ANTXR1: variants seen among roughly 807,000 people sequenced by gnomAD.
ANTXR1 encodes ANTXR cell adhesion molecule 1.
ANTXR1 carries 19 observed loss-of-function variants against 78.1 expected under a neutral mutation model. The observed-to-expected ratio is 0.24, with a 90% confidence interval of 0.17 to 0.36. ANTXR1 has a LOEUF of 0.36. Ranked by LOEUF, ANTXR1 falls within the 10% of genes least tolerant of loss-of-function variation. ANTXR1 has a pLI of 1.00. For synonymous variants in ANTXR1, 273 were observed against 260.5 expected (o/e 1.05, Z -0.46); for missense variants, 518 against 718.6 (o/e 0.72, Z 3.19).
At chr2:69,043,705 A>C (rs1239084719) in intron 2 of ANTXR1, among the ~76,000 whole-genome samples, 4 of 152,178 alleles carry the variant, frequency 2.6e-5, no homozygotes, top group African/African-American at 7.2e-5. Flanking sequence ...ATAGCAGATA[A>C]GTGACAGGTT....
intron 14 of ANTXR1, among the ~76,000 whole-genome samples, chr2:69,173,003 G>A (rs1674034546): frequency 6.6e-6 from 1 of 152,186 alleles, no homozygotes; most frequent in African/African-American, 2.4e-5. Context: ...TGACGGTTTT[G>A]TTCTGCATGT....
chr2:69,064,560 G>A (rs531329682), intron 3 of ANTXR1, among the ~76,000 whole-genome samples: 4 of 152,266 alleles, frequency 2.6e-5, no homozygotes, highest in East Asian at 1.9e-4. Context: ...GATCTTTGGG[G>A]ACATTAGTAT....
chr2:69,086,724 G>C (rs901845112), intron 8 of ANTXR1, among the ~76,000 whole-genome samples: 2 of 152,228 alleles, frequency 1.3e-5, no homozygotes, highest in Non-Finnish European at 2.9e-5. Context: ...GACAAAGGAA[G>C]AGCTAACAGC....
intron 17 of ANTXR1, among the ~76,000 whole-genome samples, chr2:69,207,203 T>C (rs1009951436): frequency 1.3e-5 from 2 of 152,218 alleles, no homozygotes; most frequent in African/African-American, 4.8e-5. Context: ...GGAGAACACA[T>C]AGACTTTGGA....
In ANTXR1 at chr2:69,123,115, C is replaced by T. The variant is rs959813970; in HGVS notation, c.872+29C>T. ...AGTTTTCACCAGCAACTGAACCTCC[C>T]AGCCAGGGAAGAGAGAGAGGAGGTG... On this transcript the variant is annotated intron_variant, in intron 11 of 17. Coordinates refer to ENST00000303714, the MANE Select transcript of ANTXR1 (RefSeq NM_032208.3). 4.3e-6 allele frequency: 7 copies of T among 1,609,764 alleles called. No individual in the cohort carries two copies. In the African/African-American group the frequency reaches 8.0e-5, roughly 18 times the overall value.
intron 2 of ANTXR1, among the ~76,000 whole-genome samples, chr2:69,040,422 G>C (rs997688295): frequency 1.3e-5 from 2 of 152,182 alleles, no homozygotes; most frequent in African/African-American, 4.8e-5. Flanking sequence ...ACTGCATCAT[G>C]CAGCAGCAAT....
At chr2:69,089,458 C>A (rs1043135143) in intron 8 of ANTXR1, among the ~76,000 whole-genome samples, 1 of 152,180 alleles carries the variant, frequency 6.6e-6, no homozygotes, top group Non-Finnish European at 1.5e-5. Context: ...CTGTCCTTTT[C>A]GTTTGCTACT....
intron 1 of ANTXR1, among the ~76,000 whole-genome samples, chr2:69,033,466 G>C (rs1159149672): frequency 6.6e-6 from 1 of 152,178 alleles, no homozygotes; most frequent in East Asian, 1.9e-4. Context: ...AGCAAAATAA[G>C]AACTCCAAAT....
intron 13 of ANTXR1, among the ~76,000 whole-genome samples, chr2:69,162,014 C>T (rs1446888604): frequency 7.3e-6 from 1 of 136,348 alleles, no homozygotes; most frequent in African/African-American, 2.6e-5. Context: ...AGGAAGTCAT[C>T]ATTTGTGGAA....
intron 3 of ANTXR1, among the ~76,000 whole-genome samples, chr2:69,062,883 A>G (rs1670289207): frequency 6.6e-6 from 1 of 152,206 alleles, no homozygotes; most frequent in African/African-American, 2.4e-5. Flanking sequence ...AATTAAAAAA[A>G]GAAAACTCAA....
At chr2:69,112,561 AG>A (rs1441117325) in intron 10 of ANTXR1, among the ~76,000 whole-genome samples, 1 of 152,232 alleles carries the variant, frequency 6.6e-6, no homozygotes, top group Admixed American at 6.5e-5. Context: ...CAAAGGTCAC[AG>A]GACACATTAG....
At chr2:69,055,579 C>A (rs1419728134) in intron 3 of ANTXR1, among the ~76,000 whole-genome samples, 2 of 152,006 alleles carry the variant, frequency 1.3e-5, no homozygotes, top group African/African-American at 2.4e-5. Context: ...AAAATTGTAC[C>A]CCCTGAGGCC....
At chr2:69,221,506 A>G (rs1675318297) in intron 17 of ANTXR1, among the ~76,000 whole-genome samples, 1 of 152,202 alleles carries the variant, frequency 6.6e-6, no homozygotes, top group African/African-American at 2.4e-5. Flanking sequence ...TCTGAGACCC[A>G]GAGACCATTT....
rs1401246214 is a variant in ANTXR1, at chr2:69,013,945, T to G, written c.152+294T>G. ...AGGCAAGGGGCTTGGAGGATGCTATTGTCTTGCTGAGTTTCTGTGACTCCC... is the reference window on the plus strand; with the variant it reads ...AGGCAAGGGGCTTGGAGGATGCTATGGTCTTGCTGAGTTTCTGTGACTCCC... On this transcript the variant is annotated intron_variant, in intron 1 of 17. Transcript: ENST00000303714. This position sits in a 1 kb window ranked among gnomAD's most constrained non-coding sequence, Gnocchi z 5.0. Among the ~76,000 whole-genome samples, 2 of 152,210 alleles carry G rather than the reference T, an allele frequency of 1.3e-5. No individual in the cohort carries two copies. Among genetic ancestry groups the G allele is most frequent in the Non-Finnish European group, 2.9e-5 (2 of 68,034 alleles).
intron 8 of ANTXR1, among the ~76,000 whole-genome samples, 182 bp downstream of exon 8, chr2:69,077,670 C>T (rs779585680): frequency 6.6e-6 from 1 of 152,208 alleles, no homozygotes; most frequent in Non-Finnish European, 1.5e-5. Flanking sequence ...CACATCTTTT[C>T]TCAATTGTAC....
intron 17 of ANTXR1, among the ~76,000 whole-genome samples, chr2:69,201,479 AC>A (rs1357184484): frequency 1.3e-5 from 2 of 152,140 alleles, no homozygotes; most frequent in African/African-American, 4.8e-5. Flanking sequence ...GCTGTACTCC[AC>A]CCTGAGGACA....
At chr2:69,182,933 T>C in intron 16 of ANTXR1, 1 of 465,310 alleles carries the variant, frequency 2.1e-6, no homozygotes, top group Middle Eastern at 6.0e-4. Flanking sequence ...AAGATTAGCA[T>C]GACCCCTGGG....
intron 12 of ANTXR1, among the ~76,000 whole-genome samples, chr2:69,138,452 A>G (rs1210438106): frequency 6.6e-6 from 1 of 152,188 alleles, no homozygotes; most frequent in East Asian, 1.9e-4. Context: ...TGGGACTGAC[A>G]GGATTTATAT....
chr2:69,164,354 G>A (rs1400125263), intron 13 of ANTXR1, among the ~76,000 whole-genome samples: 1 of 152,238 alleles, frequency 6.6e-6, no homozygotes, highest in African/African-American at 2.4e-5. Flanking sequence ...AGGGTTAAGA[G>A]ACCAGAATTG....
Sources: gnomAD v4.1 joint callset for allele counts (sites outside exome capture counted in the v4.1 genomes callset) on GRCh38, gnomAD v4.1.1 for gene constraint, Gnocchi (gnomAD v3.1) non-coding constraint, MANE v1.5 for transcripts, NCBI Gene and HGNC (gene_info 2026-07-23, HGNC 2026-07-21) for gene names.